Variants in GALNTL6 observed in about 807,000 individuals in gnomAD.
GALNTL6 encodes the protein polypeptide N-acetylgalactosaminyltransferase like 6, also known as polypeptide N-acetylgalactosaminyltransferase-like 6.
GALNTL6 carries 46 observed loss-of-function variants against 73.7 expected under a neutral mutation model. The observed-to-expected ratio is 0.62, with a 90% confidence interval of 0.49 to 0.80. The LOEUF (loss-of-function observed/expected upper bound fraction) is 0.80. GALNTL6 is among the 30% of genes least tolerant of loss of function. The probability of loss-of-function intolerance (pLI) is 0.00; values close to 1 mark genes in which losing one functional copy is unlikely to be tolerated. For synonymous variants in GALNTL6, 259 were observed against 263.7 expected, an observed-to-expected ratio of 0.98 and a Z score of 0.17; for missense variants, 604 against 755.0, an observed-to-expected ratio of 0.80 and a Z score of 2.34.
chr4:172,230,614 T>C (rs1737028742), intron 3 of GALNTL6, among the ~76,000 whole-genome samples: 1 of 151,946 alleles, frequency 6.6e-6, no homozygotes, highest in South Asian at 2.1e-4. Flanking sequence ...TAAGTCTTTC[T>C]AGAAGGACTG....
intron 5 of GALNTL6, among the ~76,000 whole-genome samples, chr4:172,649,857 A>C (rs375087113): frequency 6.6e-6 from 1 of 152,176 alleles, no homozygotes; most frequent in East Asian, 1.9e-4. Context: ...TTTCTTATAA[A>C]TTGAGGAAGT....
intron 5 of GALNTL6, among the ~76,000 whole-genome samples, chr4:172,579,654 C>A (rs1216939538): frequency 6.6e-6 from 1 of 152,092 alleles, no homozygotes; most frequent in Non-Finnish European, 1.5e-5. Context: ...TGACTTAGAA[C>A]CTGGTTTGTA....
chr4:172,723,806 T>C (rs1735637196), intron 5 of GALNTL6, among the ~76,000 whole-genome samples: 1 of 151,844 alleles, frequency 6.6e-6, no homozygotes, highest in Non-Finnish European at 1.5e-5. Context: ...AAGAGTGAAG[T>C]GGTGGTTTAA....
At position 172,377,876 on chromosome 4, in the gene GALNTL6, C is replaced by T. The variant is rs569692682; in HGVS notation, c.553+29187C>T. On this transcript the variant is annotated intron_variant, in intron 5 of 12. Coordinates refer to ENST00000506823, the MANE Select transcript of GALNTL6 (RefSeq NM_001034845.3). ...CACCCACCCAGAATTCACGCTGGCC[C>T]GCGAGCGCTGCACGCAGCACCAGAT... is the stretch of plus-strand genomic sequence containing the variant. 7.2e-5 allele frequency among the ~76,000 whole-genome samples: 11 copies of T among 152,174 alleles called. No homozygotes were observed. In the South Asian group the frequency reaches 1.0e-3, roughly 14 times the overall value.
chr4:172,901,679 A>T (rs532370871), intron 8 of GALNTL6, among the ~76,000 whole-genome samples: 1 of 152,336 alleles, frequency 6.6e-6, no homozygotes. Context: ...AACGAAAAAA[A>T]TTCCAGAAAA....
chr4:172,699,589 G>T (rs1290960811), intron 5 of GALNTL6, among the ~76,000 whole-genome samples: 6 of 152,142 alleles, frequency 3.9e-5, no homozygotes, highest in Non-Finnish European at 5.9e-5. Context: ...AGGAGCTCAT[G>T]TAAGAAACTT....
chr4:172,673,453 G>A (rs1074144), intron 5 of GALNTL6, among the ~76,000 whole-genome samples: 55,154 of 151,940 alleles, frequency 0.36, 10,944 homozygotes, highest in African/African-American at 0.49. Flanking sequence ...TTCTGTTTTG[G>A]GGGGATGGAG....
At chr4:172,634,673 C>T (rs956134605) in intron 5 of GALNTL6, among the ~76,000 whole-genome samples, 1 of 152,118 alleles carries the variant, frequency 6.6e-6, no homozygotes, top group Non-Finnish European at 1.5e-5. Context: ...ATAAAGTCAA[C>T]CACAAATTTA....
At chr4:173,006,568 A>C (rs1404192575) in intron 10 of GALNTL6, among the ~76,000 whole-genome samples, 1 of 152,240 alleles carries the variant, frequency 6.6e-6, no homozygotes, top group Non-Finnish European at 1.5e-5. Flanking sequence ...GCTTGGCTTC[A>C]CAAATTCTAG....
Position 172,799,287 on chromosome 4 carries a change from G to T in GALNTL6, c.554-10074G>T, listed in dbSNP as rs1343523602. On this transcript the variant is annotated intron_variant, in intron 5 of 12. Coordinates refer to ENST00000506823, the MANE Select transcript of GALNTL6 (RefSeq NM_001034845.3). ...ATAGATTTAGACTGGAAGCTGAGAA[G>T]TTTTCAAACAAGCTATTCTTGACTA... Among the ~76,000 whole-genome samples, 3 of 152,188 alleles carry T rather than the reference G, an allele frequency of 2.0e-5. No individual in the cohort carries two copies. The East Asian group carries it at 5.8e-4, about 29-fold the overall frequency.
rs1183830508 is a variant in GALNTL6, at chr4:171,967,684, G to A, written c.138+152966G>A. On this transcript the variant is annotated intron_variant, in intron 2 of 12. Transcript: ENST00000506823. ...TAATACAAAAATAACAAAGGAATGT[G>A]AACAATTTCTTTCTCTTCTAAATTT... 2.0e-5 allele frequency among the ~76,000 whole-genome samples: 3 copies of A among 152,120 alleles called. No individual in the cohort carries two copies. The East Asian group carries it at 5.8e-4, about 29-fold the overall frequency.
At chr4:171,934,332 T>C (rs77057114) in intron 2 of GALNTL6, among the ~76,000 whole-genome samples, 6,436 of 152,304 alleles carry the variant, frequency 0.042, 393 homozygotes, top group African/African-American at 0.13. Flanking sequence ...TTGACACTAA[T>C]GGTACATTCT....
chr4:172,773,406 A>C (rs1738889741), intron 5 of GALNTL6, among the ~76,000 whole-genome samples: 1 of 152,188 alleles, frequency 6.6e-6, no homozygotes, highest in Non-Finnish European at 1.5e-5. Flanking sequence ...AGGTATGTGT[A>C]GTGGCTTTAA....
intron 2 of GALNTL6, among the ~76,000 whole-genome samples, chr4:172,134,050 A>G (rs1733570788): frequency 6.6e-6 from 1 of 152,142 alleles, no homozygotes; most frequent in South Asian, 2.1e-4. Flanking sequence ...GAAACTTTCT[A>G]TGGTAAGCTT....
intron 2 of GALNTL6, among the ~76,000 whole-genome samples, chr4:172,211,986 A>C (rs1736338188): frequency 1.3e-5 from 2 of 152,138 alleles, no homozygotes; most frequent in African/African-American, 4.8e-5. Context: ...CGACCATAGC[A>C]AGGTGCTTAT....
intron 5 of GALNTL6, among the ~76,000 whole-genome samples, chr4:172,446,089 A>G (rs570474290): frequency 4.6e-5 from 7 of 152,294 alleles, no homozygotes; most frequent in African/African-American, 1.7e-4. Flanking sequence ...GTGTAATAAT[A>G]TAATAAAATC....
intron 3 of GALNTL6, among the ~76,000 whole-genome samples, chr4:172,303,603 A>C (rs1316083808): frequency 1.3e-5 from 2 of 152,158 alleles, no homozygotes; most frequent in African/African-American, 4.8e-5. Flanking sequence ...GTTATGGGAT[A>C]CACATAGATT....
chr4:172,527,342 A>G (rs540352747), intron 5 of GALNTL6, among the ~76,000 whole-genome samples: 1 of 152,306 alleles, frequency 6.6e-6, no homozygotes, highest in South Asian at 2.1e-4. Context: ...GAGAAAAGAG[A>G]ATTGCTGATT....
At chr4:172,390,461 T>TG (rs1407610940) in intron 5 of GALNTL6, among the ~76,000 whole-genome samples, 6 of 152,344 alleles carry the variant, frequency 3.9e-5, no homozygotes, top group African/African-American at 1.4e-4. Flanking sequence ...TTTTAAATTA[T>TG]GTACCACTCT....
Sources: gnomAD v4.1 joint callset for allele counts (sites outside exome capture counted in the v4.1 genomes callset) on GRCh38, gnomAD v4.1.1 for gene constraint, MANE v1.5 for transcripts, NCBI Gene and HGNC (gene_info 2026-07-23, HGNC 2026-07-21) for gene names.